Variants in MAST2 observed in about 807,000 individuals in gnomAD.
The protein encoded by MAST2 is microtubule-associated serine/threonine-protein kinase 2.
A neutral mutation model predicts 147.4 loss-of-function variants in MAST2; 70 were observed. The observed-to-expected ratio is 0.47, with a 90% CI of 0.39 to 0.58. The LOEUF (loss-of-function observed/expected upper bound fraction) is 0.58. MAST2 is among the 20% of genes least tolerant of loss of function. MAST2 has a pLI of 0.00. For synonymous variants in MAST2, 869 were observed against 896.8 expected (o/e 0.97, Z 0.55); for missense variants, 2,080 against 2,302.3 (o/e 0.90, Z 1.98).
chr1:45,803,933 C>G lies in MAST2; in HGVS notation c.38C>G (p.Pro13Arg). The change falls in exon 1 of 29, where the codon CCG (proline) becomes CGG (arginine). Residue 13 changes from proline (P) to arginine (R), a missense_variant. Physicochemically the swap from Pro to Arg is moderately radical, Grantham distance 103. Transcript: ENST00000361297. Reference sequence around the variant, plus strand: ...CGCTGCCGCGACCGACCGCAGCCGCCGCCGCCCGACCGCCGGGAGGATGGA... The same window carrying G: ...CGCTGCCGCGACCGACCGCAGCCGCGGCCGCCCGACCGCCGGGAGGATGGA... ...RSRCRDRPQP[P>R]PPDRREDGVQ... The G allele has an allele frequency of 1.2e-6, 1 of 846,982 alleles. No homozygotes were observed. Among genetic ancestry groups the G allele is most frequent in the Non-Finnish European group, 1.6e-6 (1 of 610,022 alleles). 52.5% of individuals were successfully genotyped at this position (846,982 alleles called of 1,614,324 possible). A position where few individuals can be genotyped will look rare whatever the true frequency, so the allele number is the denominator to read the frequency against.
At chr1:45,897,766 G>A (rs546296016) in intron 4 of MAST2, among the ~76,000 whole-genome samples, 18 of 151,700 alleles carry the variant, frequency 1.2e-4, no homozygotes, top group African/African-American at 4.1e-4. Context: ...CCATAATCAC[G>A]CCGCTGCACT....
chr1:46,027,606 G>A (rs1043416894), intron 16 of MAST2, 125 bp from the exon 17 acceptor site: 6 of 1,006,704 alleles, frequency 6.0e-6, no homozygotes, highest in Admixed American at 2.4e-5. Flanking sequence ...CCCAGCTGAA[G>A]CTACCCAGCT....
At chr1:45,966,316 A>G (rs866268975) in intron 5 of MAST2, among the ~76,000 whole-genome samples, 8 of 152,320 alleles carry the variant, frequency 5.3e-5, no homozygotes, top group Middle Eastern at 3.4e-3. Context: ...AAAAGCCGCT[A>G]TAAACATCTG....
chr1:45,829,389 G>A (rs1035189098), intron 2 of MAST2, 50 bp from the exon 3 acceptor site: 1 of 1,509,582 alleles, frequency 6.6e-7, no homozygotes, highest in Non-Finnish European at 9.0e-7. Flanking sequence ...TTTTTCATTT[G>A]TTTATCAATA....
At position 45,867,796 on chromosome 1, in the gene MAST2, A is replaced by T. The variant is rs564699218; in HGVS notation, c.469-14568A>T. 3.3e-5 allele frequency among the ~76,000 whole-genome samples: 5 copies of T among 152,350 alleles called. No homozygotes were observed. In the East Asian group the frequency reaches 9.6e-4, roughly 29 times the overall value. ...TGTATAGGTTAGGGTACTCTGAACT[A>T]CAAGTAACAGAAATTTTGACTCTGA... On this transcript the variant is annotated intron_variant, in intron 3 of 28. Transcript: ENST00000361297.
Position 46,032,268 on chromosome 1 carries a change from ACTTCTTGCCAGCC to A in MAST2, c.3282_3294del (p.Phe1094LeufsTer4). On this transcript the variant is annotated frameshift_variant, in exon 25 of 29. Coordinates refer to ENST00000361297, the MANE Select transcript of MAST2 (RefSeq NM_015112.3). LOFTEE classifies it high-confidence loss of function. ...TCCCGGGACTCTTCTCCAAGCAGGG[ACTTCTTGCCAGCC>A]CTTGGCAGCATGAGGCCTCCCATCA... 1 of 1,614,088 alleles carries A rather than the reference ACTTCTTGCCAGCC, an allele frequency of 6.2e-7. No individual in the cohort carries two copies. Among genetic ancestry groups the A allele is most frequent in the Non-Finnish European group, 8.5e-7 (1 of 1,180,020 alleles).
At chr1:45,994,837 A>G (rs1644992401) in intron 5 of MAST2, among the ~76,000 whole-genome samples, 1 of 150,860 alleles carries the variant, frequency 6.6e-6, no homozygotes, top group South Asian at 2.1e-4. Flanking sequence ...CATATCTTCC[A>G]TAATTTTTTT....
chr1:45,953,676 T>G (rs1659255336), intron 4 of MAST2, among the ~76,000 whole-genome samples: 1 of 152,210 alleles, frequency 6.6e-6, no homozygotes, highest in Non-Finnish European at 1.5e-5. Flanking sequence ...CTGGTCCTAG[T>G]AGCTAGAAGT....
chr1:45,981,424 G>A (rs1187079736), intron 5 of MAST2, among the ~76,000 whole-genome samples: 1 of 152,000 alleles, frequency 6.6e-6, no homozygotes, highest in Non-Finnish European at 1.5e-5. Context: ...AGGGAATGGG[G>A]GAATGTTGAG....
chr1:45,862,486 GA>G (rs369101144), intron 3 of MAST2, among the ~76,000 whole-genome samples: 1 of 106,032 alleles, frequency 9.4e-6, no homozygotes, highest in East Asian at 3.2e-4. Context: ...GAGGACTGAA[GA>G]TTTTTTTTTT....
chr1:45,955,077 G>A (rs553391511), intron 4 of MAST2, among the ~76,000 whole-genome samples: 20 of 152,260 alleles, frequency 1.3e-4, no homozygotes, highest in African/African-American at 2.6e-4. Context: ...GCCAGGCAGC[G>A]TTCTAGGTAT....
chr1:45,882,740 A>G (rs1646904878), intron 4 of MAST2, among the ~76,000 whole-genome samples: 1 of 152,244 alleles, frequency 6.6e-6, no homozygotes, highest in African/African-American at 2.4e-5. Context: ...TTAAAATGGA[A>G]ACCCTTTGCA....
intron 4 of MAST2, among the ~76,000 whole-genome samples, chr1:45,921,019 G>A (rs1214910795): frequency 2.0e-5 from 3 of 152,052 alleles, no homozygotes; most frequent in African/African-American, 4.8e-5. Context: ...TGTTTGAGAC[G>A]GAGTCTCACT....
At chr1:45,958,708 G>C (rs1331240603) in intron 4 of MAST2, among the ~76,000 whole-genome samples, 1 of 152,076 alleles carries the variant, frequency 6.6e-6, no homozygotes, top group Non-Finnish European at 1.5e-5. Flanking sequence ...TAAATATTTG[G>C]ATGAATATAA....
chr1:45,929,014 G>C (rs1002928334), intron 4 of MAST2, among the ~76,000 whole-genome samples: 14 of 152,014 alleles, frequency 9.2e-5, no homozygotes, highest in African/African-American at 3.1e-4. Context: ...TTGGGTTGAG[G>C]GGGTGGGAAG....
intron 10 of MAST2, among the ~76,000 whole-genome samples, chr1:46,015,943 C>T (rs1422431749): frequency 1.3e-5 from 2 of 152,090 alleles, no homozygotes; most frequent in African/African-American, 4.8e-5. Flanking sequence ...ACTGGCAAAC[C>T]GAATCCAGTA....
Position 45,828,968 on chromosome 1 carries a change from A to C in MAST2, c.326-471A>C, listed in dbSNP as rs1240668270. ...AAAACAAAAATCATTGGAATTCCCT[A>C]TACTTGGTCTTTATAAGTGACTCTC... On this transcript the variant is annotated intron_variant, in intron 2 of 28. Transcript: ENST00000361297. 2.6e-5 allele frequency among the ~76,000 whole-genome samples: 4 copies of C among 151,836 alleles called. No homozygotes were observed. The East Asian group carries it at 7.7e-4, about 29-fold the overall frequency.
intron 5 of MAST2, among the ~76,000 whole-genome samples, chr1:45,977,272 G>T (rs1318952935): frequency 6.6e-6 from 1 of 151,620 alleles, no homozygotes; most frequent in Non-Finnish European, 1.5e-5. Flanking sequence ...TGGATCACCT[G>T]AGGTCAGGAG....
At chr1:45,987,071 C>T (rs1045525339) in intron 5 of MAST2, among the ~76,000 whole-genome samples, 1 of 152,160 alleles carries the variant, frequency 6.6e-6, no homozygotes, top group African/African-American at 2.4e-5. Context: ...GTTAGGTTAT[C>T]TGTTACTGAG....
Sources: allele counts gnomAD v4.1 joint callset (sites outside exome capture counted in the v4.1 genomes callset), GRCh38; gene constraint gnomAD v4.1.1; transcripts MANE v1.5; gene names NCBI Gene and HGNC (gene_info 2026-07-23, HGNC 2026-07-21).